ANO1: variants seen among roughly 807,000 people sequenced by gnomAD.
The protein encoded by ANO1 is anoctamin-1.
In ANO1, 59 loss-of-function variants were observed where a neutral mutation model predicts 124.0. That is an observed-to-expected ratio of 0.48 (90% CI 0.39 to 0.59). The LOEUF is 0.59. ANO1 is among the 20% of genes least tolerant of loss of function. The probability of loss-of-function intolerance (pLI) is 0.00; values close to 1 mark genes in which losing one functional copy is unlikely to be tolerated. For synonymous variants in ANO1, 529 were observed against 532.0 expected (o/e 0.99, Z 0.08); for missense variants, 1,059 against 1,328.0 (o/e 0.80, Z 3.15).
intron 1 of ANO1, among the ~76,000 whole-genome samples, chr11:70,027,613 C>G (rs186722129): frequency 1.3e-5 from 2 of 152,326 alleles, no homozygotes; most frequent in East Asian, 3.9e-4. Context: ...AACAGGATCT[C>G]GCACACAGTA....
chr11:70,043,934 G>A lies in ANO1; in HGVS notation c.59-34608G>A, dbSNP rs182111886. On this transcript the variant is annotated intron_variant, in intron 1 of 27. Coordinates refer to the ANO1 transcript ENST00000531349. ...ATAAATGTGCATGTTAATATAAAAC[G>A]TTTTCTCAATTTTAATCTCCTTAAA... Among the ~76,000 whole-genome samples the A allele has an allele frequency of 3.4e-3, 520 of 152,040 alleles. 3 individuals are homozygous for A. Among genetic ancestry groups the A allele is most frequent in the African/African-American group, 0.012 (482 of 41,486 alleles).
chr11:70,135,572 C>T (rs532853342), intron 11 of ANO1, among the ~76,000 whole-genome samples: 32 of 152,322 alleles, frequency 2.1e-4, no homozygotes, highest in African/African-American at 5.3e-4. Context: ...TTCTCTACAG[C>T]GGACTCCAAA....
At chr11:70,116,357 A>C (rs1253582939) in intron 7 of ANO1, 101 bp from the exon 8 acceptor site, 37 of 1,217,872 alleles carry the variant, frequency 3.0e-5, no homozygotes, top group African/African-American at 3.0e-5. Flanking sequence ...AATTTGTGTC[A>C]ACGAGAGCTG....
chr11:70,121,128 C>G (rs1279020138), intron 8 of ANO1, among the ~76,000 whole-genome samples: 8 of 152,094 alleles, frequency 5.3e-5, no homozygotes, highest in Admixed American at 5.2e-4. Flanking sequence ...CCCTCCTCCC[C>G]CGGTGCAGAG....
chr11:70,173,054 G>C (rs1179418315), intron 22 of ANO1, among the ~76,000 whole-genome samples: 2 of 152,154 alleles, frequency 1.3e-5, no homozygotes, highest in Admixed American at 6.5e-5. Flanking sequence ...GGCAAGCCCA[G>C]CATCCACTGG....
intron 2 of ANO1, among the ~76,000 whole-genome samples, chr11:70,092,169 G>A (rs1590704478): frequency 6.6e-6 from 1 of 152,296 alleles, no homozygotes; most frequent in South Asian, 2.1e-4. Context: ...GGCCCTCTCT[G>A]TTGTGTGTCT....
rs549846131 is a variant in ANO1 at position 70,072,433 on chromosome 11, A to G, written c.59-6109A>G. ...CAAGCGTTCAAGGAAAAGGCCTTGC[A>G]TGGCATAACAAAATTCTGGAACATC... On this transcript the variant is annotated intron_variant, in intron 1 of 27. Coordinates refer to the ANO1 transcript ENST00000531349. The G allele has an allele frequency of 7.9e-5, 12 of 152,380 alleles. No homozygotes were observed. In the South Asian group the frequency reaches 1.7e-3, roughly 21 times the overall value. The allele number at this position is 152,380 out of a possible 1,614,324, so 9.4% of individuals were successfully genotyped here. A position where few individuals can be genotyped will look rare whatever the true frequency, so the allele number is the denominator to read the frequency against.
chr11:70,136,139 G>A (rs1453027577), intron 11 of ANO1, among the ~76,000 whole-genome samples: 3 of 152,370 alleles, frequency 2.0e-5, no homozygotes, highest in Middle Eastern at 3.4e-3. Flanking sequence ...TCCCTCATGC[G>A]TTGGGCTGGC....
chr11:70,171,602 G>A (rs1048361987), intron 22 of ANO1, among the ~76,000 whole-genome samples: 21 of 152,288 alleles, frequency 1.4e-4, no homozygotes, highest in African/African-American at 4.3e-4. Context: ...TTTTCACCCC[G>A]TCACTAAGAC....
At chr11:70,092,459 T>C (rs1205755582) in intron 2 of ANO1, among the ~76,000 whole-genome samples, 2 of 152,156 alleles carry the variant, frequency 1.3e-5, no homozygotes, top group Non-Finnish European at 2.9e-5. Flanking sequence ...GGGTCATGGC[T>C]GAGGGCCAGG....
intron 16 of ANO1, among the ~76,000 whole-genome samples, chr11:70,157,366 CA>C (rs529445782): frequency 0.025 from 2,494 of 98,086 alleles, 32 homozygotes; most frequent in Non-Finnish European, 0.033. Context: ...GACTCTGTCT[CA>C]AAAAAAAAAA....
intron 8 of ANO1, among the ~76,000 whole-genome samples, chr11:70,119,258 G>T (rs2046143219): frequency 7.5e-6 from 1 of 134,080 alleles, no homozygotes; most frequent in Non-Finnish European, 1.6e-5. Context: ...GATGGATGAT[G>T]GGGGGGTGGG....
intron 5 of ANO1, 125 bp from the exon 6 acceptor site, chr11:70,108,228 A>G: frequency 2.4e-6 from 2 of 838,100 alleles, no homozygotes; most frequent in Non-Finnish European, 3.7e-6. Context: ...TTTCCTTGGA[A>G]GATAGCACCA....
chr11:69,969,279 C>G, the ANO1 span, among the ~76,000 whole-genome samples: 1 of 152,154 alleles, frequency 6.6e-6, no homozygotes, highest in African/African-American at 2.4e-5. Flanking sequence ...AGCCTTCCTC[C>G]TAGGGCAGAG....
At chr11:70,033,714 C>T (rs553173755) in intron 1 of ANO1, among the ~76,000 whole-genome samples, 2 of 152,204 alleles carry the variant, frequency 1.3e-5, no homozygotes, top group African/African-American at 4.8e-5. Flanking sequence ...AAACTCCCAT[C>T]CATAGGCCAT....
chr11:70,180,897 G>C (rs1420613646), intron 23 of ANO1, among the ~76,000 whole-genome samples: 2 of 152,218 alleles, frequency 1.3e-5, no homozygotes, highest in South Asian at 2.1e-4. Context: ...GCTCTGCTAA[G>C]GATCAGGGCT....
chr11:69,985,848 T>C (rs6592514), upstream of ANO1: 123,267 of 151,946 alleles, frequency 0.81, 50,638 homozygotes, highest in East Asian at 0.99. Flanking sequence ...CCCCGGGGGG[T>C]GGGGAGGTCT....
At chr11:69,983,708 G>A (rs1438972193), upstream of ANO1, among the ~76,000 whole-genome samples, 4 of 152,218 alleles carry the variant, frequency 2.6e-5, no homozygotes, top group African/African-American at 9.6e-5. Context: ...TTAAAAATGA[G>A]CTGGTTCAGG....
intron 1 of ANO1, among the ~76,000 whole-genome samples, chr11:70,005,504 C>T (rs976464613): frequency 1.3e-4 from 20 of 152,328 alleles, no homozygotes; most frequent in African/African-American, 4.3e-4. Flanking sequence ...TTGCAATCTC[C>T]GCTCCTCTGT....
Sources: allele counts gnomAD v4.1 joint callset (sites outside exome capture counted in the v4.1 genomes callset), GRCh38; gene constraint gnomAD v4.1.1; transcripts MANE v1.5; gene names NCBI Gene and HGNC (gene_info 2026-07-23, HGNC 2026-07-21).